FHIP1A: variants seen among roughly 807,000 people sequenced by gnomAD.
The protein encoded by FHIP1A is FHF complex subunit HOOK interacting protein 1A, also known as FHF complex subunit HOOK-interacting protein 1A.
In FHIP1A, 61 loss-of-function variants were observed where a neutral mutation model predicts 88.6. The observed-to-expected ratio is 0.69, with a 90% CI of 0.56 to 0.85. The LOEUF (loss-of-function observed/expected upper bound fraction) is 0.85. Ranked by LOEUF, FHIP1A falls within the 40% of genes least tolerant of loss-of-function variation. The pLI, the probability that FHIP1A is intolerant of heterozygous loss-of-function variation, is 0.00. For missense variants in FHIP1A, 1,154 were observed against 1,273.5 expected, an observed-to-expected ratio of 0.91 and a Z score of 1.43; for synonymous variants, 478 against 496.0, an observed-to-expected ratio of 0.96 and a Z score of 0.48.
chr4:151,565,609 C>T (rs1168677400), intron 3 of FHIP1A, among the ~76,000 whole-genome samples: 3 of 152,092 alleles, frequency 2.0e-5, no homozygotes, highest in African/African-American at 7.2e-5. Flanking sequence ...ACCCAGGAAT[C>T]TGGGTGCTGT....
intron 1 of FHIP1A, among the ~76,000 whole-genome samples, chr4:151,437,291 G>A (rs934737408): frequency 2.0e-5 from 3 of 151,996 alleles, no homozygotes; most frequent in African/African-American, 7.2e-5. Context: ...TCCGCTGGGG[G>A]TTCTAGGGAT....
chr4:151,440,522 C>T (rs1170713913), intron 1 of FHIP1A, among the ~76,000 whole-genome samples: 2 of 152,114 alleles, frequency 1.3e-5, no homozygotes, highest in South Asian at 2.1e-4. Context: ...CCACCAATGA[C>T]ACTACCTCCA....
intron 8 of FHIP1A, among the ~76,000 whole-genome samples, chr4:151,637,231 G>T (rs566410271): frequency 2.0e-5 from 3 of 152,074 alleles, no homozygotes; most frequent in Admixed American, 6.6e-5. Flanking sequence ...AATCATAGGA[G>T]TAAATCCTTG....
intron 5 of FHIP1A, among the ~76,000 whole-genome samples, chr4:151,585,216 G>A (rs1349450326): frequency 1.3e-5 from 2 of 151,650 alleles, no homozygotes; most frequent in South Asian, 2.1e-4. Flanking sequence ...CAGCTCTGTC[G>A]GCCAGGCTGG....
intron 3 of FHIP1A, among the ~76,000 whole-genome samples, chr4:151,554,887 G>A (rs567897875): frequency 9.2e-5 from 14 of 152,218 alleles, no homozygotes; most frequent in Non-Finnish European, 1.8e-4. Context: ...GTTAGTGTGC[G>A]TAGATAATTC....
rs1381376691 is a variant in FHIP1A at position 151,650,045 on chromosome 4, T to C, written c.2004T>C (p.Ala668=). 6.4e-7 allele frequency: 1 copy of C among 1,551,550 alleles called. No individual in the cohort carries two copies. The highest frequency in any genetic ancestry group is 8.7e-7 in the Non-Finnish European group (1 of 1,147,004). ...AGGAGGAAGCTGCTAGGCCACCAGC[T>C]GAAGCCCAGGCTGAAGTTCAGAGTG... is the stretch of plus-strand genomic sequence containing the variant. ...DSQEEAARPP[A]EAQAEVQSVP... is the part of the protein sequence containing the mutation. Residue 668 remains alanine (A), a synonymous_variant, in exon 11 of 14, where the codon GCT becomes GCC. Coordinates refer to ENST00000435205, the MANE Select transcript of FHIP1A (RefSeq NM_001109977.3).
intron 1 of FHIP1A, among the ~76,000 whole-genome samples, chr4:151,410,449 A>G (rs1397452130): frequency 6.6e-6 from 1 of 152,240 alleles, no homozygotes; most frequent in Non-Finnish European, 1.5e-5. Context: ...CTCATTAGGA[A>G]GTCAGCTGCT....
chr4:151,412,877 T>C (rs1379252783), intron 1 of FHIP1A, among the ~76,000 whole-genome samples: 2 of 151,354 alleles, frequency 1.3e-5, no homozygotes, highest in Non-Finnish European at 2.9e-5. Context: ...AGAGATGGGG[T>C]TCCTCCATGT....
chr4:151,643,357 G>T (rs953401213), intron 9 of FHIP1A, among the ~76,000 whole-genome samples: 3 of 151,882 alleles, frequency 2.0e-5, no homozygotes, highest in Admixed American at 2.0e-4. Flanking sequence ...CATATTTTTG[G>T]GGTACACATG....
intron 1 of FHIP1A, among the ~76,000 whole-genome samples, chr4:151,428,040 T>G (rs547423269): frequency 6.6e-5 from 10 of 152,310 alleles, no homozygotes; most frequent in African/African-American, 2.2e-4. Flanking sequence ...TGGTTTGTAT[T>G]TCACTTGATA....
rs751260140 is a variant in FHIP1A, at chr4:151,649,824, TC to T, written c.1787del (p.Pro596GlnfsTer25). On this transcript the variant is annotated frameshift_variant, in exon 11 of 14. Coordinates refer to ENST00000435205, the MANE Select transcript of FHIP1A (RefSeq NM_001109977.3). LOFTEE classifies it high-confidence loss of function. ...TGISSGADVG[S>X]PGPYDDLEVS... ...AATCTCCTCAGGGGCTGACGTGGGC[TC>T]CCCAGGGCCTTATGATGATCTGGAG... The T allele has an allele frequency of 4.3e-5, 67 of 1,551,462 alleles. No individual in the cohort carries two copies. The highest frequency in any genetic ancestry group is 1.1e-5 in the Non-Finnish European group (13 of 1,146,962).
intron 7 of FHIP1A, among the ~76,000 whole-genome samples, chr4:151,591,566 C>G (rs1734429430): frequency 6.6e-6 from 1 of 152,136 alleles, no homozygotes; most frequent in South Asian, 2.1e-4. Context: ...AACTCGTCAT[C>G]TACATTAGGT....
intron 6 of FHIP1A, among the ~76,000 whole-genome samples, chr4:151,588,112 C>T (rs916395691): frequency 1.3e-5 from 2 of 151,888 alleles, no homozygotes; most frequent in African/African-American, 4.8e-5. Context: ...TTTCATACTG[C>T]ATTTTGACAT....
chr4:151,566,309 T>C lies in FHIP1A; in HGVS notation c.50T>C (p.Leu17Pro). The part of the protein sequence containing the change: ...TESKLQQAVS[L>P]QGVDPETCMI... ...AGCAAACTCCAGCAGGCTGTGAGCC[T>C]ACAGGGAGTTGACCCAGAAACATGC... Residue 17 changes from leucine (L) to proline (P), a missense_variant, in exon 4 of 14, where the codon CTA becomes CCA. Coordinates refer to ENST00000435205, the MANE Select transcript of FHIP1A (RefSeq NM_001109977.3). The C allele has an allele frequency of 6.4e-7, 1 of 1,550,970 alleles. No individual in the cohort carries two copies. The highest frequency in any genetic ancestry group is 8.7e-7 in the Non-Finnish European group (1 of 1,146,402).
chr4:151,615,983 C>T (rs893275995), intron 7 of FHIP1A, among the ~76,000 whole-genome samples: 1 of 152,046 alleles, frequency 6.6e-6, no homozygotes, highest in Non-Finnish European at 1.5e-5. Context: ...TTTAGAATTT[C>T]CTGTGCAGGG....
At chr4:151,641,209 G>A (rs1455255937) in intron 9 of FHIP1A, among the ~76,000 whole-genome samples, 2 of 152,202 alleles carry the variant, frequency 1.3e-5, no homozygotes, top group Non-Finnish European at 2.9e-5. Context: ...TAATTCTGCT[G>A]TGCTGCTTGA....
chr4:151,471,563 G>A (rs1465127824), intron 2 of FHIP1A, among the ~76,000 whole-genome samples: 1 of 151,870 alleles, frequency 6.6e-6, no homozygotes, highest in African/African-American at 2.4e-5. Flanking sequence ...AGAAATGTTT[G>A]TTAGTCCAAA....
intron 3 of FHIP1A, among the ~76,000 whole-genome samples, chr4:151,512,953 G>A (rs1033170107): frequency 1.3e-5 from 2 of 152,198 alleles, no homozygotes; most frequent in African/African-American, 2.4e-5. Context: ...TACAGAGAAC[G>A]CCACAAAGAT....
chr4:151,475,315 A>C (rs890164324), intron 2 of FHIP1A, among the ~76,000 whole-genome samples: 2 of 152,158 alleles, frequency 1.3e-5, no homozygotes, highest in African/African-American at 4.8e-5. Context: ...GAAGTTAAAC[A>C]TTTTGTGTAT....
Sources: gnomAD v4.1 joint callset for allele counts (sites outside exome capture counted in the v4.1 genomes callset) on GRCh38, gnomAD v4.1.1 for gene constraint, MANE v1.5 for transcripts, NCBI Gene and HGNC (gene_info 2026-07-23, HGNC 2026-07-21) for gene names.